Variants in DNAH11 observed in about 807,000 individuals in gnomAD.
DNAH11 encodes axonemal beta dynein heavy chain 11.
Under a neutral mutation model 526.0 loss-of-function variants are expected in DNAH11, and 442 were observed. That is an observed-to-expected ratio of 0.84 (90% CI 0.78 to 0.91). DNAH11 has a LOEUF of 0.91. Among genes scored for constraint, DNAH11 ranks in the 40% least tolerant of loss-of-function variants. The pLI is 0.00. For missense variants in DNAH11, 6,989 were observed against 5,448.7 expected (o/e 1.28, Z -8.90); for synonymous variants, 2,461 against 1,935.9 (o/e 1.27, Z -7.12).
At position 21,878,209 on chromosome 7, in the gene DNAH11, A is replaced by G. The variant is rs139008287; in HGVS notation, c.12196-2493A>G. Among the ~76,000 whole-genome samples, 217 of 152,338 alleles carry G rather than the reference A, an allele frequency of 1.4e-3. 1 individual carries two copies. The highest frequency in any genetic ancestry group is 5.0e-3 in the African/African-American group (207 of 41,580). On this transcript the variant is annotated intron_variant, in intron 74 of 81. Coordinates refer to ENST00000409508, the MANE Select transcript of DNAH11 (RefSeq NM_001277115.2). ...GGTAGACTCATACCTTTTCTTCAGA[A>G]AGCCTGATTCATATTTTTTTCCTGC...
chr7:21,821,088 T>G (rs9639398), intron 65 of DNAH11, among the ~76,000 whole-genome samples: 62,598 of 151,866 alleles, frequency 0.41, 13,778 homozygotes, highest in East Asian at 0.81. Context: ...GGTAATTAAT[T>G]GGATATTATG....
chr7:21,646,627 G>T (rs1356178602), intron 28 of DNAH11, among the ~76,000 whole-genome samples: 1 of 152,168 alleles, frequency 6.6e-6, no homozygotes, highest in Non-Finnish European at 1.5e-5. Context: ...CCTGGGGAAA[G>T]AACTATCAGG....
rs571970421 is a variant in DNAH11, at chr7:21,866,259, C to G, written c.11497-211C>G. ...ATTGCTTTCTGTTGGCCAAACCCAACTAGGTCAGGGAACCAGGGAACTCAG... is the reference window on the plus strand; with the variant it reads ...ATTGCTTTCTGTTGGCCAAACCCAAGTAGGTCAGGGAACCAGGGAACTCAG... On this transcript the variant is annotated intron_variant, in intron 70 of 81. Transcript: ENST00000409508. Among the ~76,000 whole-genome samples, 7 of 148,398 alleles carry G rather than the reference C, an allele frequency of 4.7e-5. No individual in the cohort carries two copies. In the South Asian group the frequency reaches 8.4e-4, roughly 18 times the overall value.
intron 20 of DNAH11, among the ~76,000 whole-genome samples, chr7:21,609,282 C>T (rs1191316383): frequency 2.0e-5 from 3 of 152,238 alleles, no homozygotes; most frequent in South Asian, 4.1e-4. Flanking sequence ...GTGGCATGAT[C>T]TCAGCTCACT....
At chr7:21,847,633 A>G (rs1304486451) in intron 66 of DNAH11, among the ~76,000 whole-genome samples, 2 of 152,154 alleles carry the variant, frequency 1.3e-5, no homozygotes, top group African/African-American at 4.8e-5. Flanking sequence ...AGAAAAATGT[A>G]TATTCTTCTG....
intron 76 of DNAH11, among the ~76,000 whole-genome samples, chr7:21,889,083 G>C (rs866204999): frequency 1.4e-5 from 2 of 142,572 alleles, no homozygotes; most frequent in Non-Finnish European, 3.0e-5. Context: ...CTATACCCCA[G>C]CCCATGGCAG....
intron 65 of DNAH11, among the ~76,000 whole-genome samples, chr7:21,834,727 C>T (rs1027322080): frequency 6.6e-5 from 10 of 152,004 alleles, no homozygotes; most frequent in African/African-American, 2.2e-4. Flanking sequence ...ATGCCTGTAG[C>T]TCTAACTACC....
At chr7:21,807,092 C>T (rs992141989) in intron 62 of DNAH11, among the ~76,000 whole-genome samples, 2 of 152,078 alleles carry the variant, frequency 1.3e-5, no homozygotes, top group African/African-American at 4.8e-5. Flanking sequence ...TTGTCATTTC[C>T]CTTTGTCTGT....
At chr7:21,718,675 C>T (rs189748834) in intron 43 of DNAH11, among the ~76,000 whole-genome samples, 1 of 152,222 alleles carries the variant, frequency 6.6e-6, no homozygotes, top group African/African-American at 2.4e-5. Context: ...AAACTATCCC[C>T]AGCCCTTAGA....
chr7:21,739,788 C>G (rs1785793587), intron 48 of DNAH11, 115 bp downstream of exon 48: 1 of 749,602 alleles, frequency 1.3e-6, no homozygotes, highest in African/African-American at 1.8e-5. Context: ...GGCAGCTGTA[C>G]TATATTTTAT....
At chr7:21,674,028 TTGTGTGTGTGTG>T (rs59263134) in intron 30 of DNAH11, among the ~76,000 whole-genome samples, 1 of 137,250 alleles carries the variant, frequency 7.3e-6, no homozygotes, top group Non-Finnish European at 1.6e-5. Context: ...CTGTTTTGTT[TTGTGTGTGTGTG>T]TGTGTGTGTG....
At chr7:21,708,644 C>G (rs761711244) in intron 40 of DNAH11, among the ~76,000 whole-genome samples, 4 of 152,270 alleles carry the variant, frequency 2.6e-5, no homozygotes, top group Non-Finnish European at 5.9e-5. Context: ...CCCCAAATCC[C>G]ACCATCCCTG....
chr7:21,743,563 C>T (rs895142307), intron 49 of DNAH11, among the ~76,000 whole-genome samples: 2 of 152,060 alleles, frequency 1.3e-5, no homozygotes, highest in Non-Finnish European at 2.9e-5. Flanking sequence ...TTTTTGTAAC[C>T]GTCTTTTCAG....
intron 73 of DNAH11, among the ~76,000 whole-genome samples, chr7:21,869,504 A>C (rs916571782): frequency 6.6e-6 from 1 of 152,152 alleles, no homozygotes; most frequent in Admixed American, 6.5e-5. Flanking sequence ...AAGAAAAAAA[A>C]AAGTCTCAGC....
intron 35 of DNAH11, among the ~76,000 whole-genome samples, chr7:21,695,673 T>G (rs961207566): frequency 6.6e-6 from 1 of 152,198 alleles, no homozygotes; most frequent in African/African-American, 2.4e-5. Context: ...ACTCAGGACA[T>G]AGGCATGGAC....
intron 81 of DNAH11, among the ~76,000 whole-genome samples, chr7:21,900,441 C>CT: frequency 9.7e-6 from 1 of 102,808 alleles, no homozygotes; most frequent in South Asian, 3.7e-4. Flanking sequence ...AATCTTTCTT[C>CT]TATTGTTTAA....
chr7:21,590,636 T>C (rs952898655), intron 12 of DNAH11, among the ~76,000 whole-genome samples: 16 of 152,190 alleles, frequency 1.1e-4, no homozygotes, highest in African/African-American at 3.6e-4. Context: ...TACCTAAATA[T>C]ATGACATAGT....
rs71557520 is a variant in DNAH11, at chr7:21,765,610, T to TCAGACACACA, written c.9102+23_9102+24insGACACACACA. ...TTGAGGTATGCCGTGTCAGCCTGCG[T>TCAGACACACA]CACACACACACACACACACACACAC... is the stretch of plus-strand genomic sequence containing the variant. On this transcript the variant is annotated intron_variant, in intron 55 of 81. Coordinates refer to ENST00000409508, the MANE Select transcript of DNAH11 (RefSeq NM_001277115.2). 122 of 956,496 alleles carry TCAGACACACA rather than the reference T, an allele frequency of 1.3e-4. 2 individuals are homozygous for TCAGACACACA. The African/African-American group carries it at 1.9e-3, about 15-fold the overall frequency. 59.3% of individuals were successfully genotyped at this position (956,496 alleles called of 1,614,324 possible).
Position 21,615,291 on chromosome 7 carries a change from A to G in DNAH11, c.4011+19A>G, listed in dbSNP as rs1166132546. ...TGTTCGAGTAAGATGTGCTTTTTCA[A>G]AACATGCTTTTTATTTAGTAGTTCT... On this transcript the variant is annotated intron_variant, in intron 21 of 81. Transcript: ENST00000409508. 6.2e-7 allele frequency: 1 copy of G among 1,606,102 alleles called. No homozygotes were observed. The highest frequency in any genetic ancestry group is 8.5e-7 in the Non-Finnish European group (1 of 1,175,604).
Sources: gnomAD v4.1 joint callset for allele counts (sites outside exome capture counted in the v4.1 genomes callset) on GRCh38, gnomAD v4.1.1 for gene constraint, MANE v1.5 for transcripts, NCBI Gene and HGNC (gene_info 2026-07-23, HGNC 2026-07-21) for gene names.